EPHA4: variants seen among roughly 807,000 people sequenced by gnomAD.
The protein encoded by EPHA4 is ephrin type-A receptor 4.
Under a neutral mutation model 108.3 loss-of-function variants are expected in EPHA4, and 19 were observed. The ratio of observed to expected loss-of-function variants is 0.18; its 90% CI spans 0.12 to 0.26. EPHA4 has a LOEUF of 0.26. Among genes scored for constraint, EPHA4 ranks in the 10% least tolerant of loss-of-function variants. The pLI, the probability that EPHA4 is intolerant of heterozygous loss-of-function variation, is 1.00. For synonymous variants in EPHA4, 449 were observed against 455.5 expected (o/e 0.99, Z 0.18); for missense variants, 917 against 1,254.0 (o/e 0.73, Z 4.06).
chr2:221,435,230 C>A (rs1042137319), intron 13 of EPHA4, among the ~76,000 whole-genome samples: 2 of 152,258 alleles, frequency 1.3e-5, no homozygotes, highest in East Asian at 1.9e-4. Context: ...ATCCTTGTTA[C>A]GCACAGAAGG....
rs1416304459 is a variant in EPHA4 at position 221,571,986 on chromosome 2, G to A, written c.91+172C>T. Among the ~76,000 whole-genome samples the A allele has an allele frequency of 1.3e-5, 2 of 152,160 alleles. No individual in the cohort carries two copies. The highest frequency in any genetic ancestry group is 2.4e-5 in the African/African-American group (1 of 41,458). ...CCGCCTCGGGGCAGGCTGTCCGGCG[G>A]TTCCCCGCTGCCCCTTCGCCGATCC... On this transcript the variant is annotated intron_variant, in intron 1 of 17. Transcript: ENST00000281821. The surrounding 1 kb of genome is among the most constrained non-coding windows in gnomAD (Gnocchi z 6.3).
At chr2:221,565,967 G>A (rs1694616338) in intron 2 of EPHA4, among the ~76,000 whole-genome samples, 3 of 152,160 alleles carry the variant, frequency 2.0e-5, no homozygotes, top group Non-Finnish European at 4.4e-5. Flanking sequence ...CAGCCTGAAC[G>A]TAATTGTCTA....
At chr2:221,510,299 G>A (rs1692788425) in intron 3 of EPHA4, among the ~76,000 whole-genome samples, 3 of 152,152 alleles carry the variant, frequency 2.0e-5, no homozygotes, top group Admixed American at 2.0e-4. Context: ...AAGATTGGAA[G>A]TATGTAAAAA....
intron 3 of EPHA4, among the ~76,000 whole-genome samples, chr2:221,531,203 A>C (rs577009994): frequency 6.6e-6 from 1 of 152,332 alleles, no homozygotes; most frequent in South Asian, 2.1e-4. Context: ...CTCTAAGGTA[A>C]GGTGAGAGCT....
intron 9 of EPHA4, among the ~76,000 whole-genome samples, chr2:221,444,226 G>A (rs549461450): frequency 1.1e-4 from 17 of 152,352 alleles, no homozygotes; most frequent in African/African-American, 3.6e-4. Flanking sequence ...TTGCCAGAAA[G>A]TTTCAGCTGG....
intron 11 of EPHA4, among the ~76,000 whole-genome samples, chr2:221,442,224 A>G (rs568052353): frequency 1.6e-4 from 24 of 152,316 alleles, no homozygotes; most frequent in African/African-American, 5.5e-4. Flanking sequence ...AGATTTACTC[A>G]GGATTTGCTT....
At chr2:221,478,173 G>A (rs186669312) in intron 5 of EPHA4, among the ~76,000 whole-genome samples, 145 of 151,996 alleles carry the variant, frequency 9.5e-4, no homozygotes, top group Non-Finnish European at 1.8e-3. Context: ...GCAAAAAACC[G>A]TTCAGAGATA....
Position 221,442,897 on chromosome 2 carries a change from C to T in EPHA4, c.2006G>A (p.Ser669Asn). ...AAACTGTCCCATGATGCTGGCCTCA[C>T]TCAGGAAGTCTCTCCTCTGTTTGTC... ...YTDKQRRDFL[S>N]EASIMGQFDH... The change falls in exon 11 of 18, where the codon AGT becomes AAT. Residue 669 changes from serine (S) to asparagine (N), a missense_variant. By Grantham distance (46) the Ser-to-Asn change is conservative. This residue lies in a region of EPHA4 where 758 missense variants were observed against 1,076.7 expected (regional missense o/e 0.70). Coordinates refer to ENST00000281821, the MANE Select transcript of EPHA4 (RefSeq NM_004438.5). The T allele has an allele frequency of 6.2e-7, 1 of 1,614,200 alleles. No individual in the cohort carries two copies. Among genetic ancestry groups the T allele is most frequent in the Non-Finnish European group, 8.5e-7 (1 of 1,180,028 alleles).
At chr2:221,493,739 C>A (rs997780406) in intron 4 of EPHA4, among the ~76,000 whole-genome samples, 5 of 152,138 alleles carry the variant, frequency 3.3e-5, no homozygotes, top group Non-Finnish European at 5.9e-5. Flanking sequence ...GCACTAAATT[C>A]AATTAGAAAA....
chr2:221,533,515 GA>G (rs1188177259), intron 3 of EPHA4, among the ~76,000 whole-genome samples: 1 of 151,874 alleles, frequency 6.6e-6, no homozygotes, highest in African/African-American at 2.4e-5. Context: ...GTCCCTGAAA[GA>G]AAAATGTTGA....
chr2:221,523,598 T>TGAGCACCTGGTATGTCCTAGGTGCTGGG (rs1454829333), intron 3 of EPHA4, among the ~76,000 whole-genome samples: 43 of 138,808 alleles, frequency 3.1e-4, no homozygotes, highest in East Asian at 1.4e-3. Context: ...GAATATTTTT[T>TGAGCACCTGGTATGTCCTAGGTGCTGGG]AGTAACTTTT....
chr2:221,553,787 G>T (rs146200896), intron 3 of EPHA4, among the ~76,000 whole-genome samples: 3 of 152,254 alleles, frequency 2.0e-5, no homozygotes, highest in East Asian at 1.9e-4. Context: ...GCTTTGAAGC[G>T]CATTAGTCTG....
upstream of EPHA4, chr2:221,573,488 C>G (rs577567035): frequency 1.3e-5 from 2 of 152,438 alleles, no homozygotes; most frequent in Non-Finnish European, 2.9e-5. This position sits in a 1 kb window ranked among gnomAD's most constrained non-coding sequence, Gnocchi z 4.5. Flanking sequence ...CCCAACGCCA[C>G]TCGGTGCATT....
intron 3 of EPHA4, among the ~76,000 whole-genome samples, chr2:221,509,232 G>A (rs1486821178): frequency 2.0e-5 from 3 of 152,314 alleles, no homozygotes; most frequent in East Asian, 1.9e-4. Context: ...GGAGGCTGAG[G>A]TAGGAGAATC....
chr2:221,450,034 C>G (rs142144230), intron 8 of EPHA4, among the ~76,000 whole-genome samples: 13 of 152,302 alleles, frequency 8.5e-5, no homozygotes, highest in African/African-American at 2.4e-4. Context: ...AATGGTTGCA[C>G]GCAAGTTGTT....
rs1316327295 is a variant in EPHA4 at position 221,482,583 on chromosome 2, T to A, written c.1087A>T (p.Asn363Tyr). ...NTGGRQDISY[N>Y]VVCKKCGAGD... is the part of the protein sequence containing the mutation. ...GCTCCACATTTCTTGCATACCACAT[T>A]ATAGGAAATGTCCTGGCGGCCACCT... Residue 363 changes from asparagine (N) to tyrosine (Y), a missense_variant, in exon 5 of 18, where the codon AAT becomes TAT. By Grantham distance (143) the Asn-to-Tyr change is moderately radical. Transcript: ENST00000281821. The A allele has an allele frequency of 3.1e-6, 5 of 1,614,048 alleles. No individual in the cohort carries two copies. Among genetic ancestry groups the A allele is most frequent in the Non-Finnish European group, 4.2e-6 (5 of 1,179,976 alleles).
chr2:221,572,277 C>T lies in EPHA4; in HGVS notation c.-29G>A, dbSNP rs1331339269. 6.4e-7 allele frequency: 1 copy of T among 1,570,264 alleles called. No homozygotes were observed. The highest frequency in any genetic ancestry group is 2.2e-5 in the East Asian group (1 of 44,612). ...TCGCCGGTGCCAACGCTGCTCCTGC[C>T]GCTTCTATCCCAGTGGAATAAATGC... is the stretch of plus-strand genomic sequence containing the variant. On this transcript the variant is annotated 5_prime_UTR_variant, in exon 1 of 18. Transcript: ENST00000281821.
intron 15 of EPHA4, 73 bp from the exon 16 acceptor site, chr2:221,426,692 CCTCAAA>C (rs750771931): frequency 5.7e-4 from 781 of 1,367,852 alleles, no homozygotes; most frequent in Non-Finnish European, 7.5e-4. Context: ...AATCTGATTG[CCTCAAA>C]TAGGCAAGGA....
intron 3 of EPHA4, among the ~76,000 whole-genome samples, chr2:221,531,860 A>C (rs572681221): frequency 2.6e-5 from 4 of 152,312 alleles, no homozygotes; most frequent in Non-Finnish European, 5.9e-5. Flanking sequence ...TTTTTTTCTC[A>C]GAGAACGTGA....
Sources: allele counts gnomAD v4.1 joint callset (sites outside exome capture counted in the v4.1 genomes callset), GRCh38; gene constraint gnomAD v4.1.1; regional missense constraint gnomAD v4.1.1; non-coding constraint Gnocchi (gnomAD v3.1); transcripts MANE v1.5; gene names NCBI Gene and HGNC (gene_info 2026-07-23, HGNC 2026-07-21).